TUBGCP6: variants seen among roughly 807,000 people sequenced by gnomAD.
TUBGCP6 encodes tubulin gamma complex component 6.
In TUBGCP6, 161 loss-of-function variants were observed where a neutral mutation model predicts 175.8. The ratio of observed to expected loss-of-function variants is 0.92; its 90% confidence interval spans 0.81 to 1.04. The LOEUF is 1.04. Among genes scored for constraint, TUBGCP6 ranks in the 50% least tolerant of loss-of-function variants. The pLI, the probability that TUBGCP6 is intolerant of heterozygous loss-of-function variation, is 0.00. For synonymous variants in TUBGCP6, 1,173 were observed against 1,030.5 expected, an observed-to-expected ratio of 1.14 and a Z score of -2.65; for missense variants, 2,572 against 2,433.0, an observed-to-expected ratio of 1.06 and a Z score of -1.20.
chr22:50,226,266 C>A (rs1249424818), intron 8 of TUBGCP6, 21 bp downstream of exon 8: 6 of 1,614,068 alleles, frequency 3.7e-6, no homozygotes, highest in Non-Finnish European at 5.1e-6. Flanking sequence ...GACCCCTGCC[C>A]CGCAATCAGC....
intron 10 of TUBGCP6, 55 bp from the exon 11 acceptor site, chr22:50,224,647 CTG>C: frequency 6.3e-7 from 1 of 1,582,558 alleles, no homozygotes. Flanking sequence ...TGGCTCACGC[CTG>C]TAATCCTGGC....
In TUBGCP6 at chr22:50,244,142, C is replaced by G. The variant is rs572720577; in HGVS notation, c.318G>C (p.Glu106Asp). Residue 106 changes from glutamate (E) to aspartate (D), a missense_variant, in exon 1 of 25, where the codon GAG (glutamate) becomes GAC (aspartate). Physicochemically the swap from Glu to Asp is conservative, Grantham distance 45. Coordinates refer to ENST00000248846, the MANE Select transcript of TUBGCP6 (RefSeq NM_020461.4). Reference protein sequence around the residue: ...LEAAPCCPLLEVGSVLDLLVQ... With the variant: ...LEAAPCCPLLDVGSVLDLLVQ... Reference sequence around the variant, plus strand: ...CCAGGAGGTCCAAAACAGACCCCACCTCCAAAAGCGGACAGCAAGGGGCTG... The same window carrying G: ...CCAGGAGGTCCAAAACAGACCCCACGTCCAAAAGCGGACAGCAAGGGGCTG... 1 of 1,613,528 alleles carries G rather than the reference C, an allele frequency of 6.2e-7. No homozygotes were observed. Among genetic ancestry groups the G allele is most frequent in the South Asian group, 1.1e-5 (1 of 91,084 alleles).
intron 21 of TUBGCP6, 28 bp downstream of exon 21, chr22:50,218,675 A>G (rs372267747): frequency 6.2e-7 from 1 of 1,613,314 alleles, no homozygotes; most frequent in African/African-American, 1.3e-5. Context: ...CCCCTGTCCC[A>G]TCCCCCGCGG....
intron 22 of TUBGCP6, 38 bp downstream of exon 22, chr22:50,218,450 C>T: frequency 1.2e-6 from 2 of 1,612,962 alleles, no homozygotes; most frequent in Non-Finnish European, 1.7e-6. Flanking sequence ...CAGCCTCCAG[C>T]CAGGGGTGCG....
At chr22:50,241,153 T>C (rs2064834060) in intron 1 of TUBGCP6, among the ~76,000 whole-genome samples, 1 of 152,248 alleles carries the variant, frequency 6.6e-6, no homozygotes, top group African/African-American at 2.4e-5. Flanking sequence ...AAGATTATAA[T>C]AATCTTCGCT....
Position 50,220,674 on chromosome 22 carries a change from C to T in TUBGCP6, c.3685G>A (p.Val1229Ile), listed in dbSNP as rs371587030. The change falls in exon 16 of 25, where the codon GTA becomes ATA. Residue 1229 changes from valine to isoleucine, a missense_variant. Transcript: ENST00000248846. The stretch of plus-strand genomic sequence containing the variant: ...GACCGGATGGGAGCCACGTCCGATA[C>T]GTTCTCCCCAACCCTGATGCTGGTG... ...SDTSIRVGEN[V>I]SDVAPIRSRC... 13 of 1,610,660 alleles carry T rather than the reference C, an allele frequency of 8.1e-6. No individual in the cohort carries two copies. The highest frequency in any genetic ancestry group is 4.5e-5 in the East Asian group (2 of 44,672).
In TUBGCP6 at chr22:50,224,128, C is replaced by T. The variant is rs751562924; in HGVS notation, c.2270+13G>A. On this transcript the variant is annotated intron_variant, in intron 13 of 24. Coordinates refer to ENST00000248846, the MANE Select transcript of TUBGCP6 (RefSeq NM_020461.4). ...GCACTGCACCCCTGGGCCTGGAGCCCGGGCTGCCCTACCTCGCCTTCCTCT... is the reference window on the plus strand; with the variant it reads ...GCACTGCACCCCTGGGCCTGGAGCCTGGGCTGCCCTACCTCGCCTTCCTCT... 24 of 1,610,560 alleles carry T rather than the reference C, an allele frequency of 1.5e-5. No individual in the cohort carries two copies. Among genetic ancestry groups the T allele is most frequent in the South Asian group, 4.4e-5 (4 of 91,024 alleles).
intron 2 of TUBGCP6, among the ~76,000 whole-genome samples, chr22:50,236,158 C>T (rs138278808): frequency 0.024 from 3,607 of 151,418 alleles, 91 homozygotes; most frequent in East Asian, 0.12. Context: ...TTTTTTGAGA[C>T]GGAGTCTCGC....
At chr22:50,234,301 C>CTGT (rs2064733987) in intron 2 of TUBGCP6, among the ~76,000 whole-genome samples, 7 of 117,432 alleles carry the variant, frequency 6.0e-5, no homozygotes, top group African/African-American at 1.0e-4. Context: ...CCCACACCCA[C>CTGT]CCATGGCAGC....
chr22:50,234,633 AC>A (rs1165922568), intron 2 of TUBGCP6, among the ~76,000 whole-genome samples: 1 of 44,698 alleles, frequency 2.2e-5, no homozygotes. Context: ...CATCATCCAC[AC>A]CCCCTGTGCA....
intron 4 of TUBGCP6, among the ~76,000 whole-genome samples, chr22:50,228,664 C>G (rs1368397270): frequency 6.6e-6 from 1 of 152,106 alleles, no homozygotes; most frequent in Admixed American, 6.5e-5. Flanking sequence ...CTCTAGCTCT[C>G]AAGTCCCCCG....
At chr22:50,243,089 T>A (rs1386386558) in intron 1 of TUBGCP6, among the ~76,000 whole-genome samples, 1 of 150,516 alleles carries the variant, frequency 6.6e-6, no homozygotes, top group Admixed American at 6.6e-5. Context: ...CCGAGACGGG[T>A]GGATCATTTG....
intron 5 of TUBGCP6, 48 bp from the exon 6 acceptor site, chr22:50,227,125 C>T (rs1251749855): frequency 6.5e-7 from 1 of 1,546,384 alleles, no homozygotes; most frequent in Non-Finnish European, 8.8e-7. Context: ...TCAGGGTTCC[C>T]AGGCCTGGAT....
chr22:50,237,251 G>C (rs559251477), intron 2 of TUBGCP6, among the ~76,000 whole-genome samples: 3 of 152,226 alleles, frequency 2.0e-5, no homozygotes, highest in African/African-American at 7.2e-5. Context: ...TGGGACCTGT[G>C]GGAAAGCAGG....
At chr22:50,235,672 T>C (rs1008948712) in intron 2 of TUBGCP6, among the ~76,000 whole-genome samples, 2 of 152,230 alleles carry the variant, frequency 1.3e-5, no homozygotes, top group Non-Finnish European at 2.9e-5. Context: ...CCAGGTGCGG[T>C]GGCTCATGCC....
At chr22:50,236,874 C>T (rs1286747407) in intron 2 of TUBGCP6, among the ~76,000 whole-genome samples, 1 of 152,190 alleles carries the variant, frequency 6.6e-6, no homozygotes, top group Non-Finnish European at 1.5e-5. Flanking sequence ...CAGCCACTTC[C>T]ACCCCATCTC....
In TUBGCP6 at chr22:50,220,979, G is replaced by T. The variant is rs757111318; in HGVS notation, c.3380C>A (p.Thr1127Asn). ...CCCGTGGGTATTCCACCGTGGCCTG[G>T]TGGGAGCCACATCTGACACATTCTC... is the stretch of plus-strand genomic sequence containing the variant. ...VGENVSDVAP[T>N]RPRWNTHGHV... The change falls in exon 16 of 25, where the codon ACC (threonine) becomes AAC (asparagine). Residue 1127 changes from threonine to asparagine, a missense_variant. Physicochemically the swap from Thr to Asn is moderately conservative, Grantham distance 65. Transcript: ENST00000248846. 1 of 1,609,212 alleles carries T rather than the reference G, an allele frequency of 6.2e-7. No individual in the cohort carries two copies. The highest frequency in any genetic ancestry group is 8.5e-7 in the Non-Finnish European group (1 of 1,177,110).
At position 50,222,531 on chromosome 22, in the gene TUBGCP6, C is replaced by A. The variant is rs2064545670; in HGVS notation, c.2332G>T (p.Ala778Ser). 1 of 1,613,664 alleles carries A rather than the reference C, an allele frequency of 6.2e-7. No individual in the cohort carries two copies. Among genetic ancestry groups the A allele is most frequent in the African/African-American group, 1.3e-5 (1 of 75,046 alleles). Residue 778 changes from alanine (A) to serine (S), a missense_variant, in exon 14 of 25, where the codon GCA (alanine) becomes TCA (serine). Transcript: ENST00000248846. ...CGGTGCCTCTGGATTCTCCACAGTG[C>A]CTTCTGCTCCCGACGAGCTGCCTCT... The part of the protein sequence containing the change: ...SAEAARREQK[A>S]LWRIQRHRLE...
rs78122876 is a variant in TUBGCP6, at chr22:50,218,760, G to A, written c.4764C>T (p.Pro1588=). 3,120 of 1,614,058 alleles carry A rather than the reference G, an allele frequency of 1.9e-3. 57 individuals are homozygous for A. In the African/African-American group the frequency reaches 0.036, roughly 19 times the overall value. ...SNLSLALKYL[P]EVFAPNAPDV... is the part of the protein sequence containing the mutation. ...CCGGGGCGTTGGGGGCAAACACCTC[G>A]GGCAGGTACTTGAGAGCGAGGGAGA... The change falls in exon 21 of 25, where the codon CCC becomes CCT. Residue 1588 remains proline, a synonymous_variant. Transcript: ENST00000248846.
Sources: allele counts gnomAD v4.1 joint callset (sites outside exome capture counted in the v4.1 genomes callset), GRCh38; gene constraint gnomAD v4.1.1; transcripts MANE v1.5; gene names NCBI Gene and HGNC (gene_info 2026-07-23, HGNC 2026-07-21).